CSGALNACT1: variants seen among roughly 807,000 people sequenced by gnomAD.
CSGALNACT1 encodes chondroitin sulfate N-acetylgalactosaminyltransferase 1.
In CSGALNACT1, 52 loss-of-function variants were observed where a neutral mutation model predicts 51.0. The ratio of observed to expected loss-of-function variants is 1.02; its 90% CI spans 0.82 to 1.29. The LOEUF is 1.29. Ranked by LOEUF, CSGALNACT1 falls within the 50% of genes most tolerant of loss-of-function variation. The pLI is 0.00. For synonymous variants in CSGALNACT1, 341 were observed against 254.4 expected (o/e 1.34, Z -3.24); for missense variants, 935 against 679.2 (o/e 1.38, Z -4.19).
At chr8:19,426,016 A>G (rs2058725588) in intron 6 of CSGALNACT1, among the ~76,000 whole-genome samples, 1 of 152,166 alleles carries the variant, frequency 6.6e-6, no homozygotes, top group African/African-American at 2.4e-5. Context: ...TTGCTTGCAC[A>G]GATCTGTATG....
At position 19,513,436 on chromosome 8, in the gene CSGALNACT1, C is replaced by CTCTCTATATATATATA; in HGVS notation, c.-296-7307_-296-7306insTATATATATATAGAGA. ...TCTCACTCTCTCTCTCTCTCTCTCT[C>CTCTCTATATATATATA]TATATATATATATATATATATATAT... is the stretch of plus-strand genomic sequence containing the variant. On this transcript the variant is annotated intron_variant, in intron 3 of 9. Transcript: ENST00000454498. Among the ~76,000 whole-genome samples, 320 of 81,882 alleles carry CTCTCTATATATATATA rather than the reference C, an allele frequency of 3.9e-3. 2 individuals are homozygous for CTCTCTATATATATATA. Among genetic ancestry groups the CTCTCTATATATATATA allele is most frequent in the Middle Eastern group, 7.4e-3 (1 of 136 alleles). 53.7% of individuals were successfully genotyped at this position (81,882 alleles called of 152,430 possible). A position where few individuals can be genotyped will look rare whatever the true frequency, so the allele number is the denominator to read the frequency against.
chr8:19,484,840 A>T (rs987834846), intron 4 of CSGALNACT1, among the ~76,000 whole-genome samples: 3 of 152,154 alleles, frequency 2.0e-5, no homozygotes, highest in Admixed American at 2.0e-4. Context: ...GTGTCCTAAT[A>T]AAAGGAGGAC....
At chr8:19,548,872 A>G (rs1588163709) in intron 3 of CSGALNACT1, among the ~76,000 whole-genome samples, 1 of 152,130 alleles carries the variant, frequency 6.6e-6, no homozygotes, top group Non-Finnish European at 1.5e-5. Context: ...CTTCTACAGT[A>G]GAGTGGTGCA....
At chr8:19,576,016 T>C (rs998076719) in intron 3 of CSGALNACT1, among the ~76,000 whole-genome samples, 3 of 152,126 alleles carry the variant, frequency 2.0e-5, no homozygotes, top group Admixed American at 2.0e-4. Context: ...GCAGGTGGTC[T>C]AATGGCTCAG....
chr8:19,677,266 G>A (rs953190391), intron 1 of CSGALNACT1, among the ~76,000 whole-genome samples: 5 of 152,038 alleles, frequency 3.3e-5, no homozygotes, highest in Admixed American at 6.6e-5. Flanking sequence ...GCACCACCAC[G>A]CCTAGCTAAT....
Position 19,407,125 on chromosome 8 carries a change from C to T in CSGALNACT1, c.1310-1056G>A, listed in dbSNP as rs1275478476. Among the ~76,000 whole-genome samples, 3 of 152,176 alleles carry T rather than the reference C, an allele frequency of 2.0e-5. No individual in the cohort carries two copies. The South Asian group carries it at 6.2e-4, about 32-fold the overall frequency. On this transcript the variant is annotated intron_variant, in intron 9 of 9. Coordinates refer to ENST00000454498, the Ensembl canonical transcript of CSGALNACT1. ...TTAGTTGTTGAGTGTCTGCAGGGCA[C>T]CCACCACTCAGAGACCTGCATCCTG...
At chr8:19,662,293 A>G (rs2154191462) in intron 1 of CSGALNACT1, among the ~76,000 whole-genome samples, 1 of 151,980 alleles carries the variant, frequency 6.6e-6, no homozygotes, top group East Asian at 1.9e-4. Flanking sequence ...TGAGGCAGGA[A>G]ATCACATGAA....
chr8:19,426,725 A>G (rs2058830579), intron 6 of CSGALNACT1, among the ~76,000 whole-genome samples: 1 of 152,224 alleles, frequency 6.6e-6, no homozygotes, highest in South Asian at 2.1e-4. Flanking sequence ...AGTCATTTTT[A>G]TAGAGGTTAT....
chr8:19,585,829 T>C (rs1436900830), intron 3 of CSGALNACT1, among the ~76,000 whole-genome samples: 2 of 152,174 alleles, frequency 1.3e-5, no homozygotes, highest in Non-Finnish European at 2.9e-5. Flanking sequence ...CAGGTCCCAG[T>C]AGCATCTGCC....
intron 4 of CSGALNACT1, among the ~76,000 whole-genome samples, chr8:19,482,758 T>G (rs1282286707): frequency 1.3e-5 from 2 of 152,206 alleles, no homozygotes; most frequent in East Asian, 3.9e-4. Flanking sequence ...TCTCCACAGT[T>G]TAAATTTGCA....
intron 1 of CSGALNACT1, among the ~76,000 whole-genome samples, chr8:19,756,944 G>A (rs1183909893): frequency 6.6e-6 from 1 of 150,840 alleles, no homozygotes; most frequent in Non-Finnish European, 1.5e-5. Context: ...CCCACCTGGA[G>A]GCGCCGCGCC....
At position 19,442,128 on chromosome 8, in the gene CSGALNACT1, A is replaced by C. The variant is rs1287152664; in HGVS notation, c.852-2197T>G. On this transcript the variant is annotated intron_variant, in intron 5 of 9. Coordinates refer to ENST00000454498, the Ensembl canonical transcript of CSGALNACT1. ...CTTTTTACACTGTTGGTGGGAATGT[A>C]AACTAGTTCAACCATTGTGGAAGTC... 5.9e-5 allele frequency among the ~76,000 whole-genome samples: 9 copies of C among 152,228 alleles called. No homozygotes were observed. In the East Asian group the frequency reaches 1.5e-3, roughly 26 times the overall value.
intron 3 of CSGALNACT1, among the ~76,000 whole-genome samples, chr8:19,528,617 G>A (rs2082169413): frequency 6.6e-6 from 1 of 152,030 alleles, no homozygotes; most frequent in Admixed American, 6.6e-5. Context: ...CCAATCTAGA[G>A]CAAATCTCTC....
chr8:19,504,340 TGCTGGGATTACA>T (rs1156864249), intron 4 of CSGALNACT1, among the ~76,000 whole-genome samples: 2 of 152,214 alleles, frequency 1.3e-5, no homozygotes. Flanking sequence ...CCTCCCAAAG[TGCTGGGATTACA>T]GGCGCGAGCC....
chr8:19,454,179 T>G (rs1316948986), intron 5 of CSGALNACT1, among the ~76,000 whole-genome samples: 1 of 152,202 alleles, frequency 6.6e-6, no homozygotes, highest in Non-Finnish European at 1.5e-5. Flanking sequence ...TGACAACAAG[T>G]ATATACTCCA....
At chr8:19,745,863 G>C (rs1056388766) in intron 1 of CSGALNACT1, among the ~76,000 whole-genome samples, 4 of 152,124 alleles carry the variant, frequency 2.6e-5, no homozygotes, top group Admixed American at 1.3e-4. Context: ...GGTTTATATA[G>C]CAGGGAAGGA....
At chr8:19,430,020 T>C (rs1181789779) in intron 6 of CSGALNACT1, among the ~76,000 whole-genome samples, 6 of 152,260 alleles carry the variant, frequency 3.9e-5, no homozygotes, top group Non-Finnish European at 8.8e-5. Flanking sequence ...GTGTATCATC[T>C]TTGGAGAAAT....
chr8:19,476,156 T>C (rs553530297), intron 4 of CSGALNACT1, among the ~76,000 whole-genome samples: 34 of 152,284 alleles, frequency 2.2e-4, no homozygotes, highest in African/African-American at 7.7e-4. Context: ...ATTTTTCAGA[T>C]GATAGTTTAA....
At chr8:19,439,333 G>A (rs2060920997) in intron 6 of CSGALNACT1, among the ~76,000 whole-genome samples, 1 of 152,184 alleles carries the variant, frequency 6.6e-6, no homozygotes. Flanking sequence ...ACCACGTCTG[G>A]TTTCCCCTGA....
Sources: allele counts gnomAD v4.1 joint callset (sites outside exome capture counted in the v4.1 genomes callset), GRCh38; gene constraint gnomAD v4.1.1; transcripts MANE v1.5; gene names NCBI Gene and HGNC (gene_info 2026-07-23, HGNC 2026-07-21).